PARD3: variants seen among roughly 807,000 people sequenced by gnomAD.
PARD3 encodes the protein partitioning defective 3 homolog.
Under a neutral mutation model 155.4 loss-of-function variants are expected in PARD3, and 75 were observed. The observed-to-expected ratio is 0.48, with a 90% CI of 0.40 to 0.58. PARD3 has a LOEUF of 0.58. Ranked by LOEUF, PARD3 falls within the 20% of genes least tolerant of loss-of-function variation. The pLI is 0.00. For missense variants in PARD3, 1,642 were observed against 1,721.7 expected, an observed-to-expected ratio of 0.95 and a Z score of 0.82; for synonymous variants, 576 against 610.5, an observed-to-expected ratio of 0.94 and a Z score of 0.83.
intron 15 of PARD3, chr10:34,346,378 A>T: frequency 7.6e-7 from 1 of 1,322,078 alleles, no homozygotes; most frequent in Non-Finnish European, 1.0e-6. Flanking sequence ...AGCATCAGGG[A>T]TTGGAGGCAG....
intron 1 of PARD3, among the ~76,000 whole-genome samples, chr10:34,765,071 G>A (rs901718335): frequency 2.6e-5 from 4 of 152,034 alleles, no homozygotes; most frequent in African/African-American, 4.8e-5. Context: ...TTTGGTATAC[G>A]AGAGCCAAAA....
chr10:34,595,772 CT>C (rs753609181), intron 2 of PARD3, among the ~76,000 whole-genome samples: 1 of 152,118 alleles, frequency 6.6e-6, no homozygotes, highest in Non-Finnish European at 1.5e-5. Context: ...AAAAAACACT[CT>C]GTCACAGTTT....
chr10:34,525,110 A>G (rs1237878758), intron 2 of PARD3, among the ~76,000 whole-genome samples: 1 of 152,236 alleles, frequency 6.6e-6, no homozygotes, highest in Non-Finnish European at 1.5e-5. Context: ...TAACTGGACG[A>G]GTAAGCAAAA....
intron 2 of PARD3, among the ~76,000 whole-genome samples, chr10:34,559,911 G>A (rs989309037): frequency 5.3e-5 from 8 of 152,190 alleles, no homozygotes; most frequent in African/African-American, 1.9e-4. Context: ...GATGAACTGA[G>A]ATCGTTCACA....
At chr10:34,252,047 T>C (rs1251504817) in intron 22 of PARD3, among the ~76,000 whole-genome samples, 1 of 152,188 alleles carries the variant, frequency 6.6e-6, no homozygotes, top group Non-Finnish European at 1.5e-5. Flanking sequence ...AAAGTGCATT[T>C]ATGCCGCATC....
chr10:34,321,961 TC>T (rs77525508), intron 19 of PARD3, among the ~76,000 whole-genome samples: 32 of 150,428 alleles, frequency 2.1e-4, no homozygotes, highest in Middle Eastern at 3.5e-3. Flanking sequence ...AGAGTCTATT[TC>T]CCCCCCCCAT....
chr10:34,264,077 C>G (rs780562304), intron 22 of PARD3, among the ~76,000 whole-genome samples: 11 of 152,118 alleles, frequency 7.2e-5, no homozygotes, highest in Admixed American at 2.0e-4. Flanking sequence ...AGATTTTTAA[C>G]TTTAGATAGT....
At position 34,143,514 on chromosome 10, in the gene PARD3, C is replaced by T. The variant is rs74133578; in HGVS notation, c.3420-11931G>A. ...TGAAATGATTACAAAGAATTCAAGG[C>T]GAACATTTTCTTTGTTTTTGCTTTC... is the stretch of plus-strand genomic sequence containing the variant. On this transcript the variant is annotated intron_variant, in intron 22 of 24. Coordinates refer to ENST00000374788, the MANE Select transcript of PARD3 (RefSeq NM_001184785.2). 4.0e-3 allele frequency among the ~76,000 whole-genome samples: 610 copies of T among 152,172 alleles called. 2 individuals carry two copies. Among genetic ancestry groups the T allele is most frequent in the African/African-American group, 0.014 (576 of 41,516 alleles).
chr10:34,655,808 TG>T lies in PARD3; in HGVS notation c.222+40509del, dbSNP rs1467498450. 1.3e-4 allele frequency among the ~76,000 whole-genome samples: 20 copies of T among 152,230 alleles called. No individual in the cohort carries two copies. The East Asian group carries it at 3.1e-3, about 23-fold the overall frequency. Reference sequence around the variant, plus strand: ...TAAAAGTAACTGGAGACCAGGAAATTGGGCTTTTAAGAACTTTAAATTCCAC... The same window carrying T: ...TAAAAGTAACTGGAGACCAGGAAATTGGCTTTTAAGAACTTTAAATTCCAC... On this transcript the variant is annotated intron_variant, in intron 2 of 24. Transcript: ENST00000374788.
chr10:34,687,703 C>CTCTGAA (rs2093974087), intron 2 of PARD3, among the ~76,000 whole-genome samples: 1 of 152,122 alleles, frequency 6.6e-6, no homozygotes, highest in South Asian at 2.1e-4. Flanking sequence ...GATATTACAT[C>CTCTGAA]TCTGAATCAC....
intron 1 of PARD3, among the ~76,000 whole-genome samples, chr10:34,741,995 G>A (rs1564569143): frequency 6.6e-6 from 1 of 152,150 alleles, no homozygotes; most frequent in African/African-American, 2.4e-5. Context: ...ATACTCAGAA[G>A]CAATGAGACA....
chr10:34,621,844 T>C (rs1270916359), intron 2 of PARD3, among the ~76,000 whole-genome samples: 4 of 152,250 alleles, frequency 2.6e-5, no homozygotes, highest in Admixed American at 6.5e-5. Context: ...TGAAAAAAGA[T>C]TGTGTATCCA....
At chr10:34,509,691 CAA>C (rs2081288753) in intron 3 of PARD3, among the ~76,000 whole-genome samples, 2 of 151,974 alleles carry the variant, frequency 1.3e-5, no homozygotes, top group African/African-American at 4.8e-5. Flanking sequence ...CCATGATGGC[CAA>C]AGCGCCCAGA....
chr10:34,699,149 G>A (rs923926094), intron 1 of PARD3, among the ~76,000 whole-genome samples: 10 of 152,074 alleles, frequency 6.6e-5, no homozygotes, highest in African/African-American at 2.4e-4. Flanking sequence ...GCCTCCGGAG[G>A]GGTCCTGACT....
chr10:34,546,795 A>T (rs935116357), intron 2 of PARD3, among the ~76,000 whole-genome samples: 5 of 152,158 alleles, frequency 3.3e-5, no homozygotes, highest in Non-Finnish European at 7.4e-5. Context: ...TATTTCATAA[A>T]TTTTTTTAGC....
chr10:34,427,184 G>A (rs1298778981), intron 5 of PARD3, among the ~76,000 whole-genome samples: 1 of 152,200 alleles, frequency 6.6e-6, no homozygotes, highest in Non-Finnish European at 1.5e-5. Flanking sequence ...CAGGGAACAA[G>A]GGAGATAACC....
chr10:34,356,585 C>G (rs930566629), intron 14 of PARD3, among the ~76,000 whole-genome samples: 2 of 152,152 alleles, frequency 1.3e-5, no homozygotes, highest in African/African-American at 4.8e-5. Flanking sequence ...ATTAAAAGAC[C>G]TAGAAAGAAA....
intron 22 of PARD3, among the ~76,000 whole-genome samples, chr10:34,211,846 C>T (rs1480378410): frequency 6.6e-6 from 1 of 151,988 alleles, no homozygotes; most frequent in Non-Finnish European, 1.5e-5. Flanking sequence ...CCCCAGGAGT[C>T]TCACTGTCTG....
chr10:34,585,039 T>C (rs1379816452), intron 2 of PARD3, among the ~76,000 whole-genome samples: 1 of 152,188 alleles, frequency 6.6e-6, no homozygotes, highest in Non-Finnish European at 1.5e-5. Context: ...AAACACCTCA[T>C]TCATGATCAT....
Sources: allele counts gnomAD v4.1 joint callset (sites outside exome capture counted in the v4.1 genomes callset), GRCh38; gene constraint gnomAD v4.1.1; transcripts MANE v1.5; gene names NCBI Gene and HGNC (gene_info 2026-07-23, HGNC 2026-07-21).